NASP: variants seen among roughly 807,000 people sequenced by gnomAD.
NASP encodes the protein nuclear autoantigenic sperm protein.
In NASP, 24 loss-of-function variants were observed where a neutral mutation model predicts 89.5. The ratio of observed to expected loss-of-function variants is 0.27; its 90% CI spans 0.19 to 0.38. NASP has a LOEUF of 0.38. Ranked by LOEUF, NASP falls within the 10% of genes least tolerant of loss-of-function variation. The pLI is 1.00. For missense variants in NASP, 848 were observed against 921.4 expected (o/e 0.92, Z 1.03); for synonymous variants, 306 against 324.7 (o/e 0.94, Z 0.62).
At chr1:45,591,510 C>T (rs1643548111) in intron 2 of NASP, among the ~76,000 whole-genome samples, 1 of 152,094 alleles carries the variant, frequency 6.6e-6, no homozygotes, top group African/African-American at 2.4e-5. Flanking sequence ...CATGCCACTA[C>T]ACTTCGCTCA....
At position 45,618,671 on chromosome 1, in the gene NASP, G is replaced by A. The variant is rs1337865519; in HGVS notation, c.*530G>A. 6.5e-6 allele frequency: 1 copy of A among 154,102 alleles called. No homozygotes were observed. Among genetic ancestry groups the A allele is most frequent in the Non-Finnish European group, 1.4e-5 (1 of 69,216 alleles). 9.5% of individuals were successfully genotyped at this position (154,102 alleles called of 1,614,324 possible). The stretch of plus-strand genomic sequence containing the variant: ...TGGAAAAAGAACTCTGAAAACCTGG[G>A]TCAGGGGAATGATTCCTAAGGAAAA... On this transcript the variant is annotated 3_prime_UTR_variant, in exon 15 of 15. Coordinates refer to ENST00000350030, the MANE Select transcript of NASP (RefSeq NM_002482.4).
At position 45,602,242 on chromosome 1, in the gene NASP, C is replaced by CT. The variant is rs759616415; in HGVS notation, c.108-5dup. On this transcript the variant is annotated splice_polypyrimidine_tract_variant and intron_variant, in intron 2 of 14. Coordinates refer to ENST00000350030, the MANE Select transcript of NASP (RefSeq NM_002482.4). ...AACAGTACTTGACACTAGAAAAAATCTTTTTTTTGCAGTCTGGATGTGGAT... is the reference window on the plus strand; with the variant it reads ...AACAGTACTTGACACTAGAAAAAATCTTTTTTTTTGCAGTCTGGATGTGGAT... The CT allele has an allele frequency of 1.5e-4, 244 of 1,603,610 alleles. 1 individual carries two copies. The highest frequency in any genetic ancestry group is 2.3e-4 in the South Asian group (21 of 90,064).
intron 3 of NASP, among the ~76,000 whole-genome samples, chr1:45,602,639 A>G (rs1449029479): frequency 1.3e-5 from 2 of 151,798 alleles, no homozygotes; most frequent in African/African-American, 4.8e-5. Context: ...CCCTCTCCCC[A>G]TCTCTCCACC....
intron 1 of NASP, among the ~76,000 whole-genome samples, chr1:45,584,840 C>T (rs376588603): frequency 3.9e-5 from 6 of 152,168 alleles, no homozygotes; most frequent in African/African-American, 1.4e-4. Context: ...GTGGGGCCGG[C>T]GAGGCTAGTT....
intron 1 of NASP, among the ~76,000 whole-genome samples, chr1:45,587,676 ATATATATATAT>A (rs1557647830): frequency 7.3e-5 from 6 of 82,460 alleles, no homozygotes; most frequent in South Asian, 4.6e-4. Flanking sequence ...ATATATATAT[ATATATATATAT>A]AATTAATTTT....
chr1:45,606,233 T>G (rs926668165), intron 4 of NASP, among the ~76,000 whole-genome samples: 1 of 152,100 alleles, frequency 6.6e-6, no homozygotes, highest in Non-Finnish European at 1.5e-5. Context: ...TAGGTCTTGT[T>G]CTTTTGACAA....
At position 45,608,196 on chromosome 1, in the gene NASP, G is replaced by A. The variant is rs762085653; in HGVS notation, c.1285G>A (p.Val429Ile). 15 of 1,614,216 alleles carry A rather than the reference G, an allele frequency of 9.3e-6. No individual in the cohort carries two copies. In the South Asian group the frequency reaches 1.5e-4, roughly 17 times the overall value. ...TAGTCAGGAGGAGACTAAGCTGTCT[G>A]TAGAAGAGTCTGAGGCAGCTGGAGA... ...VPSQEETKLS[V>I]EESEAAGDGV... Residue 429 changes from valine (V) to isoleucine (I), a missense_variant, in exon 6 of 15, where the codon GTA (valine) becomes ATA (isoleucine). Physicochemically the swap from Val to Ile is conservative, Grantham distance 29 (BLOSUM62 3). Around this residue, in one of 5 missense-constraint regions of NASP, gnomAD observed 464 missense variants for 469.4 expected, o/e 0.99. Coordinates refer to ENST00000350030, the MANE Select transcript of NASP (RefSeq NM_002482.4).
At position 45,614,275 on chromosome 1, in the gene NASP, C is replaced by A. The variant is rs371573768; in HGVS notation, c.1593-18C>A. 9.4e-5 allele frequency: 151 copies of A among 1,611,846 alleles called. No homozygotes were observed. Among genetic ancestry groups the A allele is most frequent in the Non-Finnish European group, 1.2e-4 (140 of 1,178,126 alleles). On this transcript the variant is annotated intron_variant, in intron 8 of 14. Coordinates refer to ENST00000350030, the MANE Select transcript of NASP (RefSeq NM_002482.4). ...GACAGGTACTGTTAAGGTTTTTGAT[C>A]AATTTTCCTTCTTTTAGGCAAGAAA...
intron 1 of NASP, among the ~76,000 whole-genome samples, chr1:45,586,309 GGT>G (rs879377284): frequency 0.012 from 1,579 of 136,046 alleles, 9 homozygotes; most frequent in Non-Finnish European, 0.02. Context: ...GTGTGTGTGT[GGT>G]GTGTGTGTGT....
intron 4 of NASP, 49 bp from the exon 5 acceptor site, chr1:45,606,433 T>G (rs750004584): frequency 7.5e-7 from 1 of 1,335,246 alleles, no homozygotes; most frequent in Non-Finnish European, 1.1e-6. Context: ...TAGAAAAAAT[T>G]GCTAGGTTCT....
chr1:45,590,339 C>G (rs1485191067), intron 1 of NASP, among the ~76,000 whole-genome samples: 1 of 158 alleles, frequency 6.3e-3, no homozygotes, highest in African/African-American at 0.02. Flanking sequence ...GGTCAGGAGA[C>G]GAGACCATCC....
At chr1:45,609,747 C>G (rs1028780067) in intron 6 of NASP, 5 of 152,150 alleles carry the variant, frequency 3.3e-5, no homozygotes, top group Non-Finnish European at 7.3e-5. Flanking sequence ...TAGTATTGCC[C>G]AAGTTACAGT....
At chr1:45,584,558 T>G (rs930760663) in intron 1 of NASP, among the ~76,000 whole-genome samples, 1 of 152,176 alleles carries the variant, frequency 6.6e-6, no homozygotes, top group Admixed American at 6.5e-5. Flanking sequence ...ACGCCCCTTC[T>G]GTCCCCAGCG....
rs941981653 is a variant in NASP, at chr1:45,607,520, A to G, written c.609A>G (p.Leu203=). 1.9e-5 allele frequency: 30 copies of G among 1,613,964 alleles called. No individual in the cohort carries two copies. The highest frequency in any genetic ancestry group is 2.1e-5 in the Non-Finnish European group (25 of 1,179,994). ...EEPQEKVDLT[L]DWLTETSEEA... ...CACAGGAAAAAGTTGACTTGACTCTAGATTGGTTAACTGAAACCTCTGAAG... is the reference window on the plus strand; with the variant it reads ...CACAGGAAAAAGTTGACTTGACTCTGGATTGGTTAACTGAAACCTCTGAAG... Residue 203 remains leucine, a synonymous_variant, in exon 6 of 15, where the codon CTA becomes CTG. Coordinates refer to ENST00000350030, the MANE Select transcript of NASP (RefSeq NM_002482.4).
intron 1 of NASP, 28 bp from the exon 2 acceptor site, chr1:45,591,195 T>C: frequency 2.1e-6 from 3 of 1,432,712 alleles, no homozygotes; most frequent in Non-Finnish European, 1.9e-6. Flanking sequence ...CAGTTTTACA[T>C]TTTTTCCCCT....
At chr1:45,587,521 G>A (rs1398552907) in intron 1 of NASP, among the ~76,000 whole-genome samples, 2 of 151,548 alleles carry the variant, frequency 1.3e-5, no homozygotes, top group Non-Finnish European at 2.9e-5. Context: ...TGGTCTGTGT[G>A]TTTTGATGAA....
Position 45,601,778 on chromosome 1 carries a change from T to C in NASP, c.108-477T>C, listed in dbSNP as rs181826904. ...TTTTTTTTTTTTTTTTTTTTTGAGG[T>C]GGAGTCTCGCTTTGTTGACCAGGCT... On this transcript the variant is annotated intron_variant, in intron 2 of 14. Coordinates refer to ENST00000350030, the MANE Select transcript of NASP (RefSeq NM_002482.4). 1.1e-3 allele frequency among the ~76,000 whole-genome samples: 87 copies of C among 79,390 alleles called. No homozygotes were observed. The East Asian group carries it at 0.039, about 36-fold the overall frequency. The allele number at this position is 79,390 out of a possible 152,430, so 52.1% of individuals were successfully genotyped here.
At chr1:45,599,273 T>TC (rs1243959577) in intron 2 of NASP, among the ~76,000 whole-genome samples, 3 of 152,042 alleles carry the variant, frequency 2.0e-5, no homozygotes, top group Non-Finnish European at 4.4e-5. Context: ...GGACTACAGG[T>TC]GCATACCGTG....
At position 45,593,535 on chromosome 1, in the gene NASP, CAAAA is replaced by C. The variant is rs1197658183; in HGVS notation, c.107+2282_107+2285del. On this transcript the variant is annotated intron_variant, in intron 2 of 14. Coordinates refer to ENST00000350030, the MANE Select transcript of NASP (RefSeq NM_002482.4). ...GTGACAGAGTGAGACTGTCCCCCCC[CAAAA>C]AAAAAAAAAAAAAAAACTCCGAGAA... 1.1e-4 allele frequency among the ~76,000 whole-genome samples: 9 copies of C among 82,420 alleles called. No individual in the cohort carries two copies. The South Asian group carries it at 3.1e-3, about 28-fold the overall frequency. The allele number at this position is 82,420 out of a possible 152,430, so 54.1% of individuals were successfully genotyped here.
Sources: allele counts gnomAD v4.1 joint callset (sites outside exome capture counted in the v4.1 genomes callset), GRCh38; gene constraint gnomAD v4.1.1; regional missense constraint gnomAD v4.1.1; transcripts MANE v1.5; gene names NCBI Gene and HGNC (gene_info 2026-07-23, HGNC 2026-07-21).